Variants in STXBP5L observed in about 807,000 individuals in gnomAD.
STXBP5L encodes the protein syntaxin-binding protein 5-like.
In STXBP5L, 65 loss-of-function variants were observed where a neutral mutation model predicts 144.5. The ratio of observed to expected loss-of-function variants is 0.45; its 90% CI spans 0.37 to 0.55. STXBP5L has a LOEUF of 0.55. Ranked by LOEUF, STXBP5L falls within the 20% of genes least tolerant of loss-of-function variation. The pLI, the probability that STXBP5L is intolerant of heterozygous loss-of-function variation, is 0.00. For synonymous variants in STXBP5L, 505 were observed against 469.6 expected (o/e 1.08, Z -0.97); for missense variants, 1,298 against 1,405.5 (o/e 0.92, Z 1.22).
At chr3:121,383,136 TATATATATTTTTAA>T (rs1160299611) in intron 22 of STXBP5L, among the ~76,000 whole-genome samples, 4 of 151,902 alleles carry the variant, frequency 2.6e-5, no homozygotes, top group African/African-American at 4.8e-5. Context: ...TTTTTTTAAA[TATATATATTTTTAA>T]AAATTGCTGG....
chr3:121,006,821 C>T (rs1488164521), intron 3 of STXBP5L, among the ~76,000 whole-genome samples: 1 of 152,080 alleles, frequency 6.6e-6, no homozygotes, highest in Non-Finnish European at 1.5e-5. Flanking sequence ...CTTAGTTTGG[C>T]TGTATATGAA....
chr3:121,052,857 A>C (rs906343687), intron 5 of STXBP5L, among the ~76,000 whole-genome samples: 1 of 152,210 alleles, frequency 6.6e-6, no homozygotes, highest in Non-Finnish European at 1.5e-5. Flanking sequence ...CCATTGTCTC[A>C]GCCCAAAATC....
intron 3 of STXBP5L, among the ~76,000 whole-genome samples, chr3:120,985,328 G>T (rs1347361849): frequency 6.6e-6 from 1 of 151,894 alleles, no homozygotes; most frequent in Non-Finnish European, 1.5e-5. Flanking sequence ...ATAGTTATGG[G>T]TTACAATATG....
chr3:121,087,741 C>CT (rs1220339665), intron 5 of STXBP5L, among the ~76,000 whole-genome samples: 1 of 151,794 alleles, frequency 6.6e-6, no homozygotes, highest in Non-Finnish European at 1.5e-5. Flanking sequence ...TATTGCTCTG[C>CT]TTTTTTCCCC....
intron 18 of STXBP5L, among the ~76,000 whole-genome samples, chr3:121,266,713 T>C (rs751101577): frequency 3.3e-5 from 5 of 152,200 alleles, no homozygotes; most frequent in Admixed American, 2.0e-4. Context: ...GACATGATTG[T>C]ATATTTAGAA....
chr3:121,210,135 G>A (rs1306975763), intron 10 of STXBP5L, among the ~76,000 whole-genome samples: 2 of 152,004 alleles, frequency 1.3e-5, no homozygotes, highest in African/African-American at 4.8e-5. Flanking sequence ...TCTAACTGGT[G>A]TGAGATGGTA....
chr3:121,191,556 G>GAGGGAT (rs1299548420), intron 9 of STXBP5L, among the ~76,000 whole-genome samples: 2 of 151,952 alleles, frequency 1.3e-5, no homozygotes, highest in Non-Finnish European at 2.9e-5. Flanking sequence ...GGGAGAGGGA[G>GAGGGAT]AGGGATAGGG....
intron 20 of STXBP5L, among the ~76,000 whole-genome samples, chr3:121,348,107 C>T (rs985269084): frequency 6.6e-6 from 1 of 152,042 alleles, no homozygotes; most frequent in Admixed American, 6.6e-5. Context: ...TCATAGATAG[C>T]TCTTATTATT....
chr3:121,320,184 T>G (rs2043923063), intron 20 of STXBP5L, among the ~76,000 whole-genome samples: 1 of 152,192 alleles, frequency 6.6e-6, no homozygotes, highest in Non-Finnish European at 1.5e-5. Flanking sequence ...GTCTACTTTC[T>G]TTCGGTAATA....
At chr3:121,309,684 A>T (rs1207953908) in intron 19 of STXBP5L, among the ~76,000 whole-genome samples, 1 of 152,188 alleles carries the variant, frequency 6.6e-6, no homozygotes, top group Non-Finnish European at 1.5e-5. Context: ...CATTTAAAAA[A>T]TTATTTAAAT....
At chr3:121,416,507 A>T (rs868685976) in intron 25 of STXBP5L, among the ~76,000 whole-genome samples, 1 of 129,076 alleles carries the variant, frequency 7.7e-6, no homozygotes, top group African/African-American at 2.8e-5. Context: ...TTATTTATTT[A>T]TTATTTATTT....
chr3:121,071,851 T>A (rs2041824884), intron 5 of STXBP5L, among the ~76,000 whole-genome samples: 1 of 152,218 alleles, frequency 6.6e-6, no homozygotes. Flanking sequence ...CAGGGGTGCT[T>A]GGCCAAACAC....
chr3:120,981,617 A>G (rs933817209), intron 3 of STXBP5L, among the ~76,000 whole-genome samples: 2 of 152,140 alleles, frequency 1.3e-5, no homozygotes, highest in African/African-American at 4.8e-5. Flanking sequence ...TTGGTTTTCA[A>G]CTGTCTCTTG....
At chr3:120,964,199 T>G (rs1939259402) in intron 3 of STXBP5L, among the ~76,000 whole-genome samples, 1 of 152,186 alleles carries the variant, frequency 6.6e-6, no homozygotes, top group Non-Finnish European at 1.5e-5. Flanking sequence ...GTCTATCAAT[T>G]TTGTTGATCT....
chr3:121,214,318 C>A (rs1382329210), intron 10 of STXBP5L, among the ~76,000 whole-genome samples: 1 of 152,120 alleles, frequency 6.6e-6, no homozygotes, highest in Non-Finnish European at 1.5e-5. Context: ...AATTTTAGAT[C>A]TTTCTTGCTT....
Position 121,255,049 on chromosome 3 carries a change from A to T in STXBP5L, c.1596A>T (p.Ser532=). 1 of 1,613,298 alleles carries T rather than the reference A, an allele frequency of 6.2e-7. No individual in the cohort carries two copies. The highest frequency in any genetic ancestry group is 8.5e-7 in the Non-Finnish European group (1 of 1,179,568). The change falls in exon 16 of 27, where the codon TCA becomes TCT. Residue 532 remains serine, a synonymous_variant. Coordinates refer to ENST00000471454, the MANE Select transcript of STXBP5L (RefSeq NM_001308330.2). The stretch of plus-strand genomic sequence containing the variant: ...CAGAGAGCAGAATATTCTGTGTATC[A>T]GGAGTCTCTGCATATGTCATAATTT... The part of the protein sequence containing the change: ...WCPESRIFCV[S]GVSAYVIIYK...
intron 3 of STXBP5L, among the ~76,000 whole-genome samples, chr3:121,021,656 C>T (rs34920217): frequency 2.0e-5 from 3 of 152,130 alleles, no homozygotes; most frequent in Non-Finnish European, 4.4e-5. Flanking sequence ...TAACCTATTC[C>T]TGAATGATTG....
intron 20 of STXBP5L, among the ~76,000 whole-genome samples, chr3:121,369,845 C>T (rs2045977919): frequency 6.6e-6 from 1 of 152,082 alleles, no homozygotes; most frequent in Admixed American, 6.6e-5. Context: ...GTCTTCTTTG[C>T]TGGGTTTCTC....
At chr3:121,269,156 A>G (rs1027580848) in intron 18 of STXBP5L, among the ~76,000 whole-genome samples, 4 of 152,122 alleles carry the variant, frequency 2.6e-5, no homozygotes, top group South Asian at 4.2e-4. Context: ...GCATAAGACA[A>G]TCATGATTAT....
Sources: gnomAD v4.1 joint callset for allele counts (sites outside exome capture counted in the v4.1 genomes callset) on GRCh38, gnomAD v4.1.1 for gene constraint, MANE v1.5 for transcripts, NCBI Gene and HGNC (gene_info 2026-07-23, HGNC 2026-07-21) for gene names.